Variants in ANKMY1 observed in about 807,000 individuals in gnomAD.
ANKMY1 encodes ankyrin repeat and MYND domain-containing protein 1.
A neutral mutation model predicts 102.0 loss-of-function variants in ANKMY1; 98 were observed. The ratio of observed to expected loss-of-function variants is 0.96; its 90% CI spans 0.82 to 1.14. ANKMY1 has a LOEUF of 1.14. Ranked by LOEUF, ANKMY1 falls within the 50% of genes most tolerant of loss-of-function variation. The pLI is 0.00. For missense variants in ANKMY1, 1,330 were observed against 1,347.6 expected, an observed-to-expected ratio of 0.99 and a Z score of 0.20; for synonymous variants, 582 against 559.9, an observed-to-expected ratio of 1.04 and a Z score of -0.56.
chr2:240,492,967 C>T (rs540236601), intron 15 of ANKMY1, among the ~76,000 whole-genome samples: 79 of 152,202 alleles, frequency 5.2e-4, no homozygotes, highest in Non-Finnish European at 1.0e-3. Flanking sequence ...GGATTACAGG[C>T]GTGAGCCACC....
rs1345512071 is a variant in ANKMY1, at chr2:240,506,984, C to A, written c.2526+576G>T. On this transcript the variant is annotated intron_variant, in intron 13 of 17. Transcript: ENST00000401804. The surrounding 1 kb of genome is among the most constrained non-coding windows in gnomAD (Gnocchi z 4.9). Reference sequence around the variant, plus strand: ...TGGCCAGGAGACAATGCCCCAAACCCCCGCCCAGCAGCTGCGTGGACCACT... The same window carrying A: ...TGGCCAGGAGACAATGCCCCAAACCACCGCCCAGCAGCTGCGTGGACCACT... Among the ~76,000 whole-genome samples the A allele has an allele frequency of 6.6e-6, 1 of 152,054 alleles. No individual in the cohort carries two copies. The highest frequency in any genetic ancestry group is 2.4e-5 in the African/African-American group (1 of 41,388).
chr2:240,496,329 C>A (rs1217138523), intron 15 of ANKMY1, among the ~76,000 whole-genome samples: 1 of 151,654 alleles, frequency 6.6e-6, no homozygotes. Flanking sequence ...CTTTCTCTCT[C>A]ACCTCTGCTT....
chr2:240,534,583 C>T (rs2086262779), intron 4 of ANKMY1, among the ~76,000 whole-genome samples: 1 of 151,628 alleles, frequency 6.6e-6, no homozygotes, highest in African/African-American at 2.4e-5. Flanking sequence ...GCCTGGGCAA[C>T]ACAGCAAGAC....
chr2:240,478,576 C>T (rs1378730677), downstream of ANKMY1, among the ~76,000 whole-genome samples: 2 of 152,138 alleles, frequency 1.3e-5, no homozygotes, highest in Non-Finnish European at 2.9e-5. Context: ...GGCCTGGTCC[C>T]TGCGTCCGTT....
intron 15 of ANKMY1, among the ~76,000 whole-genome samples, chr2:240,482,492 T>C (rs1252736113): frequency 6.6e-6 from 1 of 152,252 alleles, no homozygotes; most frequent in Non-Finnish European, 1.5e-5. Context: ...CACTCTTCAG[T>C]CTGCTGCTTC....
chr2:240,501,252 A>G (rs1334978425), intron 13 of ANKMY1, among the ~76,000 whole-genome samples: 2 of 152,074 alleles, frequency 1.3e-5, no homozygotes, highest in Non-Finnish European at 2.9e-5. Flanking sequence ...GTGTGCATGT[A>G]TGAGTAAGGG....
At chr2:240,521,926 C>G (rs996341148) in intron 8 of ANKMY1, 7 of 152,142 alleles carry the variant, frequency 4.6e-5, no homozygotes, top group Non-Finnish European at 7.4e-5. Context: ...AAAGGTGATG[C>G]GGACCAAAAA....
At chr2:240,477,742 A>G (rs1316600548), downstream of ANKMY1, among the ~76,000 whole-genome samples, 1 of 152,186 alleles carries the variant, frequency 6.6e-6, no homozygotes, top group Non-Finnish European at 1.5e-5. Flanking sequence ...TATATTGCAT[A>G]TATAATAAAA....
rs150577371 is a variant in ANKMY1, at chr2:240,524,938, C to T, written c.1336-557G>A. ...GGACCAGTGGCATCAGTGAAACCAG[C>T]CCAAGAGTCCCACAGACAGTTGTTT... On this transcript the variant is annotated intron_variant, in intron 7 of 17. Coordinates refer to ENST00000401804, the MANE Select transcript of ANKMY1 (RefSeq NM_001282771.3). 2.6e-3 allele frequency among the ~76,000 whole-genome samples: 402 copies of T among 152,308 alleles called. 2 individuals carry two copies. The highest frequency in any genetic ancestry group is 9.2e-3 in the African/African-American group (384 of 41,570).
Position 240,480,815 on chromosome 2 carries a change from A to G in ANKMY1, c.3046+122T>C, listed in dbSNP as rs536104120. 78 of 1,366,002 alleles carry G rather than the reference A, an allele frequency of 5.7e-5. No homozygotes were observed. The African/African-American group carries it at 1.1e-3, about 19-fold the overall frequency. The allele number at this position is 1,366,002 out of a possible 1,614,324, so 84.6% of individuals were successfully genotyped here. ...AACAGGCCGATCTGGAAATGTTGGG[A>G]AAGTGGCCTGAATCTGGAGAGATTT... is the stretch of plus-strand genomic sequence containing the variant. On this transcript the variant is annotated intron_variant, in intron 17 of 17. Coordinates refer to ENST00000401804, the MANE Select transcript of ANKMY1 (RefSeq NM_001282771.3).
downstream of ANKMY1, among the ~76,000 whole-genome samples, chr2:240,478,190 T>C (rs979745349): frequency 3.9e-5 from 6 of 152,202 alleles, no homozygotes; most frequent in South Asian, 2.1e-4. Flanking sequence ...CATGCCGCCA[T>C]GTTTCCTGTG....
chr2:240,501,462 G>A (rs1269076481), intron 13 of ANKMY1, among the ~76,000 whole-genome samples: 2 of 152,176 alleles, frequency 1.3e-5, no homozygotes, highest in Non-Finnish European at 2.9e-5. Context: ...AGTTCTATCA[G>A]GGGGCCTGGC....
intron 16 of ANKMY1, 95 bp downstream of exon 16, chr2:240,482,088 C>T: frequency 1.5e-6 from 2 of 1,371,418 alleles, no homozygotes; most frequent in South Asian, 1.3e-5. Context: ...GGCATGGAGG[C>T]TGTCCCGGGA....
intron 8 of ANKMY1, chr2:240,523,465 T>A (rs2082709843): frequency 5.1e-6 from 1 of 194,598 alleles, no homozygotes; most frequent in African/African-American, 2.3e-5. Flanking sequence ...GACCACATTT[T>A]GAGACACACT....
intron 4 of ANKMY1, among the ~76,000 whole-genome samples, chr2:240,551,914 A>T (rs1298234165): frequency 6.6e-6 from 1 of 152,178 alleles, no homozygotes; most frequent in Non-Finnish European, 1.5e-5. Context: ...CTCAGGAAAG[A>T]CCTTCAGGCC....
At chr2:240,495,827 C>T (rs1047469788) in intron 15 of ANKMY1, among the ~76,000 whole-genome samples, 2 of 152,226 alleles carry the variant, frequency 1.3e-5, no homozygotes, top group African/African-American at 4.8e-5. Context: ...TACACCTACT[C>T]ACCTCTTCCC....
At chr2:240,535,814 G>A (rs1317462864) in intron 4 of ANKMY1, among the ~76,000 whole-genome samples, 2 of 152,082 alleles carry the variant, frequency 1.3e-5, no homozygotes, top group Non-Finnish European at 2.9e-5. Context: ...CAGCCTGGGT[G>A]ACAGAGCAAG....
chr2:240,468,957 C>G, the ANKMY1 span, among the ~76,000 whole-genome samples: 1 of 152,204 alleles, frequency 6.6e-6, no homozygotes, highest in Non-Finnish European at 1.5e-5. Context: ...TTGCAGGCCC[C>G]TCCGCAAGTC....
downstream of ANKMY1, among the ~76,000 whole-genome samples, chr2:240,476,187 T>C (rs1017573493): frequency 3.3e-5 from 5 of 151,962 alleles, no homozygotes; most frequent in African/African-American, 1.2e-4. Context: ...AGAAATAAAC[T>C]CACACATATG....
Sources: allele counts gnomAD v4.1 joint callset (sites outside exome capture counted in the v4.1 genomes callset), GRCh38; gene constraint gnomAD v4.1.1; non-coding constraint Gnocchi (gnomAD v3.1); transcripts MANE v1.5; gene names NCBI Gene and HGNC (gene_info 2026-07-23, HGNC 2026-07-21).